Variants in ARHGAP44 observed in about 807,000 individuals in gnomAD.
ARHGAP44 encodes the protein Rho GTPase activating protein 44.
A neutral mutation model predicts 106.8 loss-of-function variants in ARHGAP44; 43 were observed. That is an observed-to-expected ratio of 0.40 (90% confidence interval 0.32 to 0.52). ARHGAP44 has a LOEUF of 0.52. Among genes scored for constraint, ARHGAP44 ranks in the 20% least tolerant of loss-of-function variants. ARHGAP44 has a pLI of 0.48. For missense variants in ARHGAP44, 866 were observed against 1,050.5 expected, an observed-to-expected ratio of 0.82 and a Z score of 2.43; for synonymous variants, 439 against 410.3, an observed-to-expected ratio of 1.07 and a Z score of -0.85.
chr17:12,842,972 T>A (rs2035460252), intron 1 of ARHGAP44, among the ~76,000 whole-genome samples: 1 of 152,134 alleles, frequency 6.6e-6, no homozygotes, highest in African/African-American at 2.4e-5. Context: ...ACTCCAAGGC[T>A]TTGCTGAAGC....
At chr17:12,838,775 G>A (rs929562404) in intron 1 of ARHGAP44, among the ~76,000 whole-genome samples, 1 of 152,038 alleles carries the variant, frequency 6.6e-6, no homozygotes, top group Non-Finnish European at 1.5e-5. Context: ...GGGTTCAAGC[G>A]ATTCTCCTGC....
intron 3 of ARHGAP44, among the ~76,000 whole-genome samples, chr17:12,898,625 C>G (rs2037284571): frequency 6.6e-6 from 1 of 152,124 alleles, no homozygotes; most frequent in Admixed American, 6.5e-5. Flanking sequence ...TGCTCCAGCT[C>G]CACGCATCAC....
At chr17:12,987,223 C>A in intron 20 of ARHGAP44, 1 of 1,350,142 alleles carries the variant, frequency 7.4e-7, no homozygotes, top group South Asian at 1.3e-5. Flanking sequence ...CTCCCCTCCG[C>A]TCCTCGTCTC....
At chr17:12,921,625 TAAAG>T (rs1384505120) in intron 6 of ARHGAP44, among the ~76,000 whole-genome samples, 2 of 152,150 alleles carry the variant, frequency 1.3e-5, no homozygotes, top group Non-Finnish European at 1.5e-5. Context: ...TTTCTTGAAA[TAAAG>T]AAACAGAATA....
At chr17:12,946,835 C>T (rs923208492) in intron 10 of ARHGAP44, among the ~76,000 whole-genome samples, 1 of 151,320 alleles carries the variant, frequency 6.6e-6, no homozygotes, top group Non-Finnish European at 1.5e-5. Context: ...CAAAAAGTAA[C>T]AGTAACCTAT....
At chr17:12,955,048 T>C (rs533881011) in intron 13 of ARHGAP44, among the ~76,000 whole-genome samples, 56 of 152,296 alleles carry the variant, frequency 3.7e-4, no homozygotes, top group Middle Eastern at 3.4e-3. Flanking sequence ...CAACCACTAA[T>C]GTACTTTCTG....
At chr17:12,920,977 G>A (rs537566826) in intron 6 of ARHGAP44, among the ~76,000 whole-genome samples, 5 of 152,162 alleles carry the variant, frequency 3.3e-5, no homozygotes, top group Non-Finnish European at 5.9e-5. Flanking sequence ...GTTGAAAAAG[G>A]CAGGTGCGTG....
intron 7 of ARHGAP44, among the ~76,000 whole-genome samples, chr17:12,934,301 A>G (rs1464840164): frequency 1.3e-5 from 2 of 152,222 alleles, no homozygotes; most frequent in Non-Finnish European, 2.9e-5. Flanking sequence ...AGTCTGGGAA[A>G]GACAACAACA....
intron 16 of ARHGAP44, among the ~76,000 whole-genome samples, chr17:12,972,547 C>T (rs1014512289): frequency 1.3e-5 from 2 of 151,374 alleles, no homozygotes; most frequent in African/African-American, 2.4e-5. Flanking sequence ...ACTCGGGAGG[C>T]TGAGGCAGGA....
At chr17:12,839,706 G>A (rs1005269407) in intron 1 of ARHGAP44, among the ~76,000 whole-genome samples, 17 of 152,190 alleles carry the variant, frequency 1.1e-4, no homozygotes, top group African/African-American at 4.1e-4. Context: ...TTGTTAAAAT[G>A]TGAAGAATTC....
intron 13 of ARHGAP44, 140 bp downstream of exon 13, chr17:12,952,721 TC>T: frequency 2.0e-4 from 75 of 383,870 alleles, no homozygotes; most frequent in Middle Eastern, 7.2e-4. Flanking sequence ...ATGCATGGTC[TC>T]TTTTTTTTTT....
chr17:12,806,197 G>T (rs1301723314), intron 1 of ARHGAP44, among the ~76,000 whole-genome samples: 1 of 152,154 alleles, frequency 6.6e-6, no homozygotes, highest in Non-Finnish European at 1.5e-5. Flanking sequence ...TAAATGAGGT[G>T]CTCATGGCGT....
chr17:12,839,804 A>G (rs137905227), intron 1 of ARHGAP44, among the ~76,000 whole-genome samples: 121 of 152,256 alleles, frequency 7.9e-4, no homozygotes, highest in Non-Finnish European at 1.4e-3. Context: ...CATGTGGATC[A>G]TATTTATTTT....
At chr17:12,932,932 T>A (rs2038443402) in intron 7 of ARHGAP44, among the ~76,000 whole-genome samples, 2 of 152,200 alleles carry the variant, frequency 1.3e-5, no homozygotes, top group South Asian at 4.1e-4. Flanking sequence ...CACTCCTTTT[T>A]TTGTAGTTAT....
At chr17:12,852,820 C>A (rs778083141) in intron 1 of ARHGAP44, among the ~76,000 whole-genome samples, 1 of 151,846 alleles carries the variant, frequency 6.6e-6, no homozygotes, top group Non-Finnish European at 1.5e-5. Flanking sequence ...GGATTACAGG[C>A]GTGAGCCACT....
intron 1 of ARHGAP44, among the ~76,000 whole-genome samples, chr17:12,867,637 A>C (rs930182953): frequency 2.0e-5 from 3 of 152,208 alleles, no homozygotes; most frequent in East Asian, 3.9e-4. Context: ...TTAGGCTGGC[A>C]AAAGACTTTG....
At chr17:12,848,720 C>T (rs28478503) in intron 1 of ARHGAP44, among the ~76,000 whole-genome samples, 3,377 of 152,166 alleles carry the variant, frequency 0.022, 136 homozygotes, top group African/African-American at 0.077. Context: ...CAGTATCATA[C>T]ATTCCTGGAA....
At chr17:12,871,217 C>G (rs1289161306) in intron 1 of ARHGAP44, among the ~76,000 whole-genome samples, 1 of 152,074 alleles carries the variant, frequency 6.6e-6, no homozygotes, top group Non-Finnish European at 1.5e-5. Context: ...TTCTGTGTCC[C>G]CATCAACTCT....
intron 1 of ARHGAP44, among the ~76,000 whole-genome samples, chr17:12,857,755 G>A (rs558653619): frequency 4.9e-5 from 7 of 141,436 alleles, no homozygotes; most frequent in South Asian, 4.4e-4. Context: ...TTATTGCTTC[G>A]GTTGCCCATG....
Sources: gnomAD v4.1 joint callset for allele counts (sites outside exome capture counted in the v4.1 genomes callset) on GRCh38, gnomAD v4.1.1 for gene constraint, MANE v1.5 for transcripts, NCBI Gene and HGNC (gene_info 2026-07-23, HGNC 2026-07-21) for gene names.